CBFA2T2: variants seen among roughly 807,000 people sequenced by gnomAD.
CBFA2T2 encodes the protein protein CBFA2T2.
Under a neutral mutation model 62.2 loss-of-function variants are expected in CBFA2T2, and 11 were observed. The observed-to-expected ratio is 0.18, with a 90% CI of 0.11 to 0.29. CBFA2T2 has a LOEUF of 0.29. Ranked by LOEUF, CBFA2T2 falls within the 10% of genes least tolerant of loss-of-function variation. CBFA2T2 has a pLI of 1.00. For synonymous variants in CBFA2T2, 295 were observed against 287.5 expected, an observed-to-expected ratio of 1.03 and a Z score of -0.27; for missense variants, 592 against 774.1, an observed-to-expected ratio of 0.76 and a Z score of 2.79.
chr20:33,642,014 C>G (rs1601122732), intron 10 of CBFA2T2, among the ~76,000 whole-genome samples: 2 of 151,934 alleles, frequency 1.3e-5, no homozygotes, highest in African/African-American at 4.8e-5. Flanking sequence ...GGTGAAATTC[C>G]TTATTACAGC....
At chr20:33,636,813 T>C (rs1215320076) in intron 9 of CBFA2T2, 105 bp downstream of exon 9, 3 of 811,646 alleles carry the variant, frequency 3.7e-6, no homozygotes, top group Non-Finnish European at 6.3e-6. Flanking sequence ...GGTTGTATAA[T>C]AACTTGCTCC....
chr20:33,491,724 C>T (rs931607486), intron 1 of CBFA2T2, among the ~76,000 whole-genome samples: 2 of 150,062 alleles, frequency 1.3e-5, no homozygotes, highest in South Asian at 2.1e-4. Flanking sequence ...TTTTTTGAGA[C>T]GGAATCTTGC....
intron 1 of CBFA2T2, among the ~76,000 whole-genome samples, chr20:33,552,675 T>A (rs2012770953): frequency 6.6e-6 from 1 of 152,156 alleles, no homozygotes; most frequent in Non-Finnish European, 1.5e-5. Flanking sequence ...TATCTAACAT[T>A]TAGGAAGTGA....
At chr20:33,544,108 A>T (rs1018762713) in intron 1 of CBFA2T2, among the ~76,000 whole-genome samples, 6 of 152,114 alleles carry the variant, frequency 3.9e-5, no homozygotes, top group Non-Finnish European at 1.5e-5. Flanking sequence ...GGTCATGTCA[A>T]TTCTCTGCTC....
chr20:33,519,419 G>A (rs6059361), intron 1 of CBFA2T2, among the ~76,000 whole-genome samples: 9 of 152,252 alleles, frequency 5.9e-5, no homozygotes, highest in African/African-American at 2.2e-4. Context: ...GCAATGAGTC[G>A]AGATTGCTCA....
intron 1 of CBFA2T2, among the ~76,000 whole-genome samples, chr20:33,514,289 G>A (rs1320395070): frequency 1.1e-4 from 15 of 134,238 alleles, no homozygotes; most frequent in African/African-American, 4.2e-4. Flanking sequence ...ATCTCGGCTC[G>A]CTACAACCTC....
intron 1 of CBFA2T2, among the ~76,000 whole-genome samples, chr20:33,496,580 T>G (rs763429750): frequency 6.6e-6 from 1 of 152,148 alleles, no homozygotes; most frequent in African/African-American, 2.4e-5. Flanking sequence ...CAGTTAAAAG[T>G]GGAATGGTAA....
chr20:33,632,028 CTT>C (rs2122361943), intron 8 of CBFA2T2, among the ~76,000 whole-genome samples: 1 of 152,104 alleles, frequency 6.6e-6, no homozygotes, highest in Admixed American at 6.6e-5. Context: ...GAAATTAGTT[CTT>C]TTTGTTTGTT....
intron 9 of CBFA2T2, chr20:33,639,400 C>CT (rs1034723265): frequency 3.3e-5 from 5 of 152,226 alleles, no homozygotes; most frequent in African/African-American, 1.2e-4. Flanking sequence ...TGGTGAAACC[C>CT]TGTCTCTATT....
In CBFA2T2 at chr20:33,645,843, C is replaced by T. The variant is rs1156250109; in HGVS notation, c.*1197C>T. 1 of 152,188 alleles carries T rather than the reference C, an allele frequency of 6.6e-6. No individual in the cohort carries two copies. Among genetic ancestry groups the T allele is most frequent in the Non-Finnish European group, 1.5e-5 (1 of 68,042 alleles). 9.4% of individuals were successfully genotyped at this position (152,188 alleles called of 1,614,324 possible). On this transcript the variant is annotated 3_prime_UTR_variant, in exon 11 of 11. Coordinates refer to ENST00000342704, the MANE Select transcript of CBFA2T2 (RefSeq NM_001032999.3). ...TTATCTGATAGCGTCCCTCCTTGAGCTCATCAGAAAGGTTTTATGAAATGT... is the reference window on the plus strand; with the variant it reads ...TTATCTGATAGCGTCCCTCCTTGAGTTCATCAGAAAGGTTTTATGAAATGT...
At chr20:33,523,271 T>A (rs1377697628) in intron 1 of CBFA2T2, among the ~76,000 whole-genome samples, 4 of 152,182 alleles carry the variant, frequency 2.6e-5, no homozygotes, top group South Asian at 2.1e-4. Context: ...AGGCTTTATT[T>A]TTTATTTATT....
intron 1 of CBFA2T2, among the ~76,000 whole-genome samples, chr20:33,506,548 G>A (rs1001781235): frequency 2.0e-5 from 3 of 152,138 alleles, no homozygotes; most frequent in East Asian, 3.8e-4. Flanking sequence ...ATTCGGTCCC[G>A]GTCCTCAGTG....
intron 4 of CBFA2T2, among the ~76,000 whole-genome samples, chr20:33,620,435 G>A (rs2015905733): frequency 6.6e-6 from 1 of 152,170 alleles, no homozygotes; most frequent in Admixed American, 6.5e-5. Context: ...AACCTGGGAG[G>A]CAGAGGAAGC....
At chr20:33,539,112 G>A (rs371036062) in intron 1 of CBFA2T2, among the ~76,000 whole-genome samples, 1 of 152,154 alleles carries the variant, frequency 6.6e-6, no homozygotes, top group Non-Finnish European at 1.5e-5. Flanking sequence ...TCAGAGTTGA[G>A]GTTCGGAAAT....
At chr20:33,580,617 C>T (rs923098739) in intron 1 of CBFA2T2, among the ~76,000 whole-genome samples, 2 of 152,102 alleles carry the variant, frequency 1.3e-5, no homozygotes, top group African/African-American at 4.8e-5. Flanking sequence ...TTGGGAGGCC[C>T]AGGTGGGCAG....
chr20:33,631,490 G>A (rs2016449435), intron 8 of CBFA2T2, among the ~76,000 whole-genome samples: 1 of 152,206 alleles, frequency 6.6e-6, no homozygotes. Context: ...CATGTGTGCA[G>A]GTGAGAAGCA....
chr20:33,529,743 T>TTATA (rs139769122), intron 1 of CBFA2T2, among the ~76,000 whole-genome samples: 3 of 4,038 alleles, frequency 7.4e-4, no homozygotes, highest in African/African-American at 9.6e-4. Flanking sequence ...AAGAAAGCAG[T>TTATA]TATATATATA....
At position 33,527,702 on chromosome 20, in the gene CBFA2T2, C is replaced by CT. The variant is rs1168128260; in HGVS notation, c.34+37411dup. 3.0e-3 allele frequency among the ~76,000 whole-genome samples: 436 copies of CT among 146,402 alleles called. 7 individuals are homozygous for CT. Among genetic ancestry groups the CT allele is most frequent in the Middle Eastern group, 6.9e-3 (2 of 288 alleles). Reference sequence around the variant, plus strand: ...GTCTTATTGTTTTTTCTTTTCTTTTCTTTTTTTTTTGTTGTATTTTTAGTA... The same window carrying CT: ...GTCTTATTGTTTTTTCTTTTCTTTTCTTTTTTTTTTTGTTGTATTTTTAGTA... On this transcript the variant is annotated intron_variant, in intron 1 of 10. Coordinates refer to ENST00000342704, the MANE Select transcript of CBFA2T2 (RefSeq NM_001032999.3).
intron 1 of CBFA2T2, among the ~76,000 whole-genome samples, chr20:33,590,782 G>A (rs1424457464): frequency 1.3e-5 from 2 of 152,134 alleles, no homozygotes; most frequent in African/African-American, 4.8e-5. Context: ...AACAAAAGCT[G>A]ATGGGCTGAC....
Sources: gnomAD v4.1 joint callset for allele counts (sites outside exome capture counted in the v4.1 genomes callset) on GRCh38, gnomAD v4.1.1 for gene constraint, MANE v1.5 for transcripts, NCBI Gene and HGNC (gene_info 2026-07-23, HGNC 2026-07-21) for gene names.